NOL4: variants seen among roughly 807,000 people sequenced by gnomAD.
The protein encoded by NOL4 is cancer/testis antigen 125.
A neutral mutation model predicts 75.9 loss-of-function variants in NOL4; 17 were observed. The ratio of observed to expected loss-of-function variants is 0.22; its 90% CI spans 0.15 to 0.34. The LOEUF (loss-of-function observed/expected upper bound fraction) is 0.34, where lower values mean the gene tolerates loss of function less well. NOL4 is among the 10% of genes least tolerant of loss of function. NOL4 has a pLI of 1.00. For synonymous variants in NOL4, 292 were observed against 289.9 expected (o/e 1.01, Z -0.07); for missense variants, 614 against 793.5 (o/e 0.77, Z 2.72).
At chr18:34,141,975 C>G (rs1362930715) in intron 1 of NOL4, among the ~76,000 whole-genome samples, 1 of 151,892 alleles carries the variant, frequency 6.6e-6, no homozygotes, top group Non-Finnish European at 1.5e-5. Flanking sequence ...AGAACTCAAA[C>G]AAATTTACAA....
At chr18:34,150,297 G>C (rs540423244) in intron 1 of NOL4, among the ~76,000 whole-genome samples, 4 of 151,638 alleles carry the variant, frequency 2.6e-5, no homozygotes, top group African/African-American at 9.6e-5. Flanking sequence ...AATATTAAAG[G>C]AGAAGAATAA....
chr18:33,906,311 C>T (rs1228557633), intron 9 of NOL4, among the ~76,000 whole-genome samples: 2 of 152,144 alleles, frequency 1.3e-5, no homozygotes, highest in African/African-American at 4.8e-5. Context: ...TGGACTCCAA[C>T]CCTTTCTTTT....
chr18:34,180,649 T>C (rs2033960070), intron 1 of NOL4, among the ~76,000 whole-genome samples: 1 of 151,270 alleles, frequency 6.6e-6, no homozygotes, highest in Admixed American at 6.6e-5. Context: ...GCATCCATGA[T>C]GAAAAAAGAG....
chr18:33,985,374 T>C (rs1007357988), intron 6 of NOL4, among the ~76,000 whole-genome samples: 1 of 152,054 alleles, frequency 6.6e-6, no homozygotes, highest in Non-Finnish European at 1.5e-5. Flanking sequence ...TAATTGTGAG[T>C]TTCTAAATAT....
intron 9 of NOL4, among the ~76,000 whole-genome samples, chr18:33,922,518 T>C (rs2145291312): frequency 6.6e-6 from 1 of 152,330 alleles, no homozygotes; most frequent in South Asian, 2.1e-4. Context: ...CTGCTTTCAT[T>C]TCTAGCACTT....
In NOL4 at chr18:34,224,326, A is replaced by C. The variant is rs1456262942; in HGVS notation, c.-1073T>G. On this transcript the variant is annotated 5_prime_UTR_variant, in exon 1 of 11. Coordinates refer to ENST00000261592, the MANE Select transcript of NOL4 (RefSeq NM_003787.5). ...TTCCCCTTGCTTGGTCACAGTTTGC[A>C]GTTCACACGGGAGGTTTCAGTTGTC... 6.6e-6 allele frequency: 1 copy of C among 152,592 alleles called. No homozygotes were observed. The highest frequency in any genetic ancestry group is 2.4e-5 in the African/African-American group (1 of 41,486). 9.5% of individuals were successfully genotyped at this position (152,592 alleles called of 1,614,324 possible).
chr18:34,003,775 A>G (rs1416925154), intron 6 of NOL4, among the ~76,000 whole-genome samples: 1 of 152,026 alleles, frequency 6.6e-6, no homozygotes, highest in Non-Finnish European at 1.5e-5. Context: ...AACTAAAAAT[A>G]AAATTCTAAG....
Position 33,869,100 on chromosome 18 carries a change from A to G in NOL4, c.1723+14144T>C, listed in dbSNP as rs146591410. Reference sequence around the variant, plus strand: ...TACCTATGATATGTCATCTGTATTCACATATTTTAAGTCCCTCAAATTTTA... The same window carrying G: ...TACCTATGATATGTCATCTGTATTCGCATATTTTAAGTCCCTCAAATTTTA... On this transcript the variant is annotated intron_variant, in intron 10 of 10. Coordinates refer to ENST00000261592, the MANE Select transcript of NOL4 (RefSeq NM_003787.5). 5.9e-4 allele frequency among the ~76,000 whole-genome samples: 89 copies of G among 152,012 alleles called. 1 individual carries two copies. Among genetic ancestry groups the G allele is most frequent in the African/African-American group, 2.1e-3 (89 of 41,518 alleles).
intron 6 of NOL4, among the ~76,000 whole-genome samples, chr18:33,976,511 T>C (rs1318454205): frequency 1.3e-5 from 2 of 152,160 alleles, no homozygotes; most frequent in Non-Finnish European, 2.9e-5. Flanking sequence ...AATGGCAAAC[T>C]TCATCTTTTG....
At chr18:34,043,484 A>T (rs554644108) in intron 5 of NOL4, among the ~76,000 whole-genome samples, 1 of 152,052 alleles carries the variant, frequency 6.6e-6, no homozygotes, top group East Asian at 1.9e-4. Flanking sequence ...AATAAAAATA[A>T]TTTTTTCTTC....
At chr18:33,906,940 A>G (rs774576095) in intron 9 of NOL4, among the ~76,000 whole-genome samples, 5 of 152,222 alleles carry the variant, frequency 3.3e-5, no homozygotes, top group South Asian at 2.1e-4. Flanking sequence ...GAAAAATGCA[A>G]TAACAGCAAA....
intron 10 of NOL4, among the ~76,000 whole-genome samples, chr18:33,871,042 A>G (rs570544929): frequency 1.3e-5 from 2 of 152,218 alleles, no homozygotes; most frequent in South Asian, 4.1e-4. Context: ...AAATGTATCT[A>G]CTTCCACTAG....
chr18:33,884,464 C>A (rs184002525), intron 9 of NOL4, among the ~76,000 whole-genome samples: 1 of 152,140 alleles, frequency 6.6e-6, no homozygotes, highest in Admixed American at 6.6e-5. Context: ...CTAATCATGT[C>A]AAACTGTGAG....
chr18:33,980,695 A>G lies in NOL4; in HGVS notation c.1057-22277T>C, dbSNP rs191344253. Among the ~76,000 whole-genome samples the G allele has an allele frequency of 1.1e-4, 16 of 152,136 alleles. No homozygotes were observed. In the East Asian group the frequency reaches 1.9e-3, roughly 18 times the overall value. On this transcript the variant is annotated intron_variant, in intron 6 of 10. Transcript: ENST00000261592. ...GACTAAGACCTAATCAAAGGGCTAT[A>G]GGATGCTTCCCCTCCCATGAAACAT...
rs1463277314 is a variant in NOL4, at chr18:34,147,760, T to C, written c.265-17740A>G. Among the ~76,000 whole-genome samples, 4 of 152,256 alleles carry C rather than the reference T, an allele frequency of 2.6e-5. No individual in the cohort carries two copies. In the East Asian group the frequency reaches 7.7e-4, roughly 29 times the overall value. On this transcript the variant is annotated intron_variant, in intron 1 of 10. Transcript: ENST00000261592. ...TGAGTTAGGGAAGATTTCCTCTTTT[T>C]CTATTGTTTGGAATAGTTTCAGAAG...
chr18:34,151,699 T>C (rs554057242), intron 1 of NOL4, among the ~76,000 whole-genome samples: 4 of 152,004 alleles, frequency 2.6e-5, no homozygotes, highest in Admixed American at 2.6e-4. Flanking sequence ...AATGTAAACT[T>C]TGGATTTTAA....
intron 9 of NOL4, among the ~76,000 whole-genome samples, chr18:33,899,002 T>C (rs1342726472): frequency 6.6e-6 from 1 of 152,130 alleles, no homozygotes; most frequent in African/African-American, 2.4e-5. Flanking sequence ...GTGCTATCTT[T>C]TAGGTTAAAT....
intron 5 of NOL4, among the ~76,000 whole-genome samples, chr18:34,068,291 G>A (rs1397484097): frequency 4.6e-5 from 7 of 152,202 alleles, no homozygotes; most frequent in Non-Finnish European, 4.4e-5. Flanking sequence ...AAATATCTTA[G>A]TGTGTCAACT....
intron 6 of NOL4, among the ~76,000 whole-genome samples, chr18:33,996,302 A>G (rs1394176896): frequency 5.3e-5 from 8 of 151,956 alleles, no homozygotes; most frequent in African/African-American, 1.9e-4. Context: ...ATAATTATAG[A>G]AAGTTGAAAA....
Sources: gnomAD v4.1 joint callset for allele counts (sites outside exome capture counted in the v4.1 genomes callset) on GRCh38, gnomAD v4.1.1 for gene constraint, MANE v1.5 for transcripts, NCBI Gene and HGNC (gene_info 2026-07-23, HGNC 2026-07-21) for gene names.